Variants in WNK2 observed in about 807,000 individuals in gnomAD.
WNK2 encodes WNK lysine deficient protein kinase 2, also known as serine/threonine-protein kinase WNK2.
Under a neutral mutation model 192.1 loss-of-function variants are expected in WNK2, and 67 were observed. That is an observed-to-expected ratio of 0.35 (90% CI 0.29 to 0.43). The LOEUF (loss-of-function observed/expected upper bound fraction) is 0.43. Ranked by LOEUF, WNK2 falls within the 20% of genes least tolerant of loss-of-function variation. WNK2 has a pLI of 1.00. For synonymous variants in WNK2, 1,439 were observed against 1,393.9 expected (o/e 1.03, Z -0.72); for missense variants, 2,698 against 3,089.7 (o/e 0.87, Z 3.01).
intron 19 of WNK2, among the ~76,000 whole-genome samples, chr9:93,274,265 G>A (rs549677104): frequency 6.6e-6 from 1 of 152,310 alleles, no homozygotes; most frequent in East Asian, 1.9e-4. Flanking sequence ...GCTCACGCCT[G>A]TAATCCCAGC....
At chr9:93,306,143 T>G (rs1852490664) in intron 26 of WNK2, among the ~76,000 whole-genome samples, 1 of 152,112 alleles carries the variant, frequency 6.6e-6, no homozygotes, top group Non-Finnish European at 1.5e-5. Context: ...CCCTACCCCT[T>G]GTGGATACTG....
At chr9:93,292,464 C>T in intron 22 of WNK2, 27 bp from the exon 23 acceptor site, 1 of 1,611,486 alleles carries the variant, frequency 6.2e-7, no homozygotes. Context: ...TCACATGAAA[C>T]CTCTTCATCT....
rs181050850 is a variant in WNK2, at chr9:93,273,260, C to T, written c.4033+4514C>T. On this transcript the variant is annotated intron_variant, in intron 19 of 29. Transcript: ENST00000427277. Reference sequence around the variant, plus strand: ...GCAACCTCTGCCTCTTAGATTCAGGCGATTCTCCTGCCTCAGCCTCCCGAG... The same window carrying T: ...GCAACCTCTGCCTCTTAGATTCAGGTGATTCTCCTGCCTCAGCCTCCCGAG... Among the ~76,000 whole-genome samples the T allele has an allele frequency of 6.3e-4, 96 of 152,316 alleles. No homozygotes were observed. The South Asian group carries it at 7.0e-3, about 11-fold the overall frequency.
chr9:93,223,726 C>T (rs935118872), intron 2 of WNK2, among the ~76,000 whole-genome samples: 1 of 152,206 alleles, frequency 6.6e-6, no homozygotes, highest in East Asian at 1.9e-4. Context: ...CAGCTTGGGT[C>T]GACTGGTTCA....
chr9:93,234,024 C>T (rs1839384490), intron 4 of WNK2, among the ~76,000 whole-genome samples: 1 of 152,126 alleles, frequency 6.6e-6, no homozygotes, highest in Non-Finnish European at 1.5e-5. Context: ...TAAAAATCAG[C>T]CCTCGCCCCC....
Position 93,289,143 on chromosome 9 carries a change from C to T in WNK2, c.4389C>T (p.Ala1463=), listed in dbSNP as rs1361399178. 3.1e-6 allele frequency: 5 copies of T among 1,601,174 alleles called. No homozygotes were observed. Among genetic ancestry groups the T allele is most frequent in the Admixed American group, 1.7e-5 (1 of 59,416 alleles). The change falls in exon 20 of 30, where the codon GCC becomes GCT. Residue 1463 remains alanine, a synonymous_variant. Coordinates refer to ENST00000427277, the MANE Select transcript of WNK2 (RefSeq NM_006648.4). ...LAPCTPAPEA[A]STRDASAPRE... Reference sequence around the variant, plus strand: ...CTTGCACTCCAGCTCCAGAGGCTGCCTCAACCAGGGACGCCAGTGCCCCAA... The same window carrying T: ...CTTGCACTCCAGCTCCAGAGGCTGCTTCAACCAGGGACGCCAGTGCCCCAA...
In WNK2 at chr9:93,287,727, A is replaced by C. The variant is rs567738160; in HGVS notation, c.4034-1061A>C. ...CATTCTCACCTTTTATTTTTTGAAC[A>C]GTTTTCTTTTTTTGTGTTCATTTTC... is the stretch of plus-strand genomic sequence containing the variant. On this transcript the variant is annotated intron_variant, in intron 19 of 29. Transcript: ENST00000427277. Among the ~76,000 whole-genome samples the C allele has an allele frequency of 2.6e-5, 4 of 152,226 alleles. No homozygotes were observed. In the East Asian group the frequency reaches 7.7e-4, roughly 29 times the overall value.
At chr9:93,251,528 G>A (rs1842608335) in intron 8 of WNK2, among the ~76,000 whole-genome samples, 1 of 152,150 alleles carries the variant, frequency 6.6e-6, no homozygotes, top group South Asian at 2.1e-4. Flanking sequence ...TGGGCAACGT[G>A]GCGAAACCTC....
chr9:93,308,752 T>C (rs967052089), intron 28 of WNK2, 168 bp downstream of exon 28: 18 of 1,399,074 alleles, frequency 1.3e-5, no homozygotes, highest in Middle Eastern at 5.2e-4. Flanking sequence ...ACTTTACAGA[T>C]TGGGAGGTGA....
At chr9:93,283,596 TA>T (rs34619780) in intron 19 of WNK2, among the ~76,000 whole-genome samples, 1 of 152,176 alleles carries the variant, frequency 6.6e-6, no homozygotes, top group Non-Finnish European at 1.5e-5. Flanking sequence ...CTATAAACAT[TA>T]AAAAGTCAAA....
chr9:93,238,979 C>T (rs772547163), intron 6 of WNK2, among the ~76,000 whole-genome samples: 7 of 152,082 alleles, frequency 4.6e-5, no homozygotes, highest in East Asian at 1.9e-4. Context: ...TGTGGATACT[C>T]GAAACTACAC....
intron 2 of WNK2, among the ~76,000 whole-genome samples, chr9:93,189,026 T>C (rs1009477897): frequency 2.0e-5 from 3 of 152,198 alleles, no homozygotes; most frequent in Non-Finnish European, 1.5e-5. Flanking sequence ...GCTCCCACTC[T>C]CACTTGCTGC....
chr9:93,256,083 C>T (rs539519900), intron 9 of WNK2, among the ~76,000 whole-genome samples: 8 of 152,278 alleles, frequency 5.3e-5, no homozygotes, highest in African/African-American at 1.7e-4. Context: ...CTGATGTGCC[C>T]GGGCACCCCT....
At chr9:93,280,922 A>G (rs1314466350) in intron 19 of WNK2, among the ~76,000 whole-genome samples, 3 of 152,202 alleles carry the variant, frequency 2.0e-5, no homozygotes, top group Admixed American at 6.5e-5. Context: ...GTTGATACAC[A>G]TTGCAGCATG....
intron 2 of WNK2, among the ~76,000 whole-genome samples, chr9:93,207,956 G>A (rs990477000): frequency 1.3e-5 from 2 of 152,300 alleles, no homozygotes; most frequent in Non-Finnish European, 2.9e-5. Context: ...CCCCTTCCAC[G>A]TGGCACCTTG....
Position 93,185,342 on chromosome 9 carries a change from C to T in WNK2, c.413C>T (p.Ala138Val), listed in dbSNP as rs762045061. 3.0e-5 allele frequency: 46 copies of T among 1,543,424 alleles called. No homozygotes were observed. Among genetic ancestry groups the T allele is most frequent in the Non-Finnish European group, 3.7e-5 (42 of 1,148,132 alleles). Residue 138 changes from alanine (A) to valine (V), a missense_variant, in exon 2 of 30, where the codon GCC (alanine) becomes GTC (valine). Coordinates refer to ENST00000427277, the MANE Select transcript of WNK2 (RefSeq NM_006648.4). ...GCAGCCGCTGTCGAAACCGCGCCTGCCCCCGACGGCGGCCCCAGGGAGGAG... is the reference window on the plus strand; with the variant it reads ...GCAGCCGCTGTCGAAACCGCGCCTGTCCCCGACGGCGGCCCCAGGGAGGAG... Reference protein sequence around the residue: ...PIAAAVETAPAPDGGPREEAA... With the variant: ...PIAAAVETAPVPDGGPREEAA...
intron 27 of WNK2, chr9:93,307,426 T>G (rs1296856625): frequency 6.6e-6 from 1 of 152,284 alleles, no homozygotes; most frequent in Non-Finnish European, 1.5e-5. Context: ...TTAGATTGTT[T>G]CTCTATGCAG....
At position 93,273,586 on chromosome 9, in the gene WNK2, G is replaced by A. The variant is rs1053163727; in HGVS notation, c.4033+4840G>A. The stretch of plus-strand genomic sequence containing the variant: ...AGACAAATCCACAACTGTAGTTGGA[G>A]ACTCCAACACTCTCGATAGATAGAA... On this transcript the variant is annotated intron_variant, in intron 19 of 29. Coordinates refer to ENST00000427277, the MANE Select transcript of WNK2 (RefSeq NM_006648.4). Among the ~76,000 whole-genome samples, 12 of 152,320 alleles carry A rather than the reference G, an allele frequency of 7.9e-5. No individual in the cohort carries two copies. In the South Asian group the frequency reaches 1.7e-3, roughly 21 times the overall value.
chr9:93,266,060 A>G (rs1845115775), intron 16 of WNK2, among the ~76,000 whole-genome samples: 2 of 152,202 alleles, frequency 1.3e-5, no homozygotes, highest in African/African-American at 4.8e-5. Context: ...ACAGATATAC[A>G]AATTTGGTCC....
Sources: gnomAD v4.1 joint callset for allele counts (sites outside exome capture counted in the v4.1 genomes callset) on GRCh38, gnomAD v4.1.1 for gene constraint, MANE v1.5 for transcripts, NCBI Gene and HGNC (gene_info 2026-07-23, HGNC 2026-07-21) for gene names.